Variants in RSRP1 observed in about 807,000 individuals in gnomAD.
RSRP1 encodes the protein arginine and serine rich protein 1, also known as arginine/serine-rich protein 1.
A neutral mutation model predicts 33.0 loss-of-function variants in RSRP1; 37 were observed. That is an observed-to-expected ratio of 1.12 (90% CI 0.86 to 1.48). The LOEUF (loss-of-function observed/expected upper bound fraction) is 1.48. RSRP1 is among the 40% of genes most tolerant of loss of function. The probability of loss-of-function intolerance (pLI) is 0.00; values close to 1 mark genes in which losing one functional copy is unlikely to be tolerated. For synonymous variants in RSRP1, 167 were observed against 158.7 expected (o/e 1.05, Z -0.40); for missense variants, 402 against 385.3 (o/e 1.04, Z -0.36).
intron 3 of RSRP1, chr1:25,243,876 T>A (rs1052544943): frequency 3.2e-6 from 4 of 1,234,044 alleles, no homozygotes; most frequent in Middle Eastern, 3.4e-4. Context: ...ACTAATTTTT[T>A]AATCAGTTTT....
chr1:25,274,804 C>G (rs184965566), intron 1 of RSRP1, among the ~76,000 whole-genome samples: 1 of 133,470 alleles, frequency 7.5e-6, no homozygotes, highest in Non-Finnish European at 1.8e-5. Context: ...GTTAGGAGTT[C>G]GAGACCAGCC....
At chr1:25,300,599 C>T (rs1478649725) in intron 1 of RSRP1, among the ~76,000 whole-genome samples, 1 of 130,130 alleles carries the variant, frequency 7.7e-6, no homozygotes. Context: ...CGCCTGAGGT[C>T]AGGAGTTTGA....
chr1:25,246,004 C>G (rs1639350951), intron 2 of RSRP1: 2 of 161,200 alleles, frequency 1.2e-5, no homozygotes, highest in Admixed American at 6.0e-5. Flanking sequence ...CCTCCGCCTC[C>G]GCCTCCCCAA....
At chr1:25,262,267 C>A (rs1640181553) in intron 1 of RSRP1, among the ~76,000 whole-genome samples, 1 of 152,134 alleles carries the variant, frequency 6.6e-6, no homozygotes, top group Admixed American at 6.5e-5. Flanking sequence ...AATAATCCAA[C>A]CTGCTTGTAA....
At chr1:25,298,978 C>T (rs1326526979) in intron 1 of RSRP1, among the ~76,000 whole-genome samples, 1 of 123,552 alleles carries the variant, frequency 8.1e-6, no homozygotes, top group African/African-American at 2.8e-5. Flanking sequence ...GTGCACAAGC[C>T]ATATGGGTAC....
rs1216660553 is a variant in RSRP1, at chr1:25,309,177, A to AT, written c.-67+28800dup. On this transcript the variant is annotated intron_variant, in intron 1 of 1. Coordinates refer to the RSRP1 transcript ENST00000561867. ...TTTCCTATTCAGATGAGCATATGTG[A>AT]TTGAGTCAGATGCTGTGATCAGAAC... 3.8e-5 allele frequency among the ~76,000 whole-genome samples: 5 copies of AT among 132,166 alleles called. 2 individuals are homozygous for AT. Among genetic ancestry groups the AT allele is most frequent in the Non-Finnish European group, 8.9e-5 (5 of 56,062 alleles). The allele number at this position is 132,166 out of a possible 152,430, so 86.7% of individuals were successfully genotyped here. A position where few individuals can be genotyped will look rare whatever the true frequency, so the allele number is the denominator to read the frequency against.
At chr1:25,259,579 C>T (rs1310960960) in intron 1 of RSRP1, among the ~76,000 whole-genome samples, 3 of 151,488 alleles carry the variant, frequency 2.0e-5, no homozygotes, top group Non-Finnish European at 2.9e-5. Flanking sequence ...CTCAGCTCGC[C>T]GCAACCTCCG....
rs185767739 is a variant in RSRP1, at chr1:25,320,656, A to G, written c.-67+17322T>C. Reference sequence around the variant, plus strand: ...GGAGCATTTCCTTGCTTCCTGTGAAAGGAAGCACTCATTCCATGTGTCCTG... The same window carrying G: ...GGAGCATTTCCTTGCTTCCTGTGAAGGGAAGCACTCATTCCATGTGTCCTG... On this transcript the variant is annotated intron_variant, in intron 1 of 1. Coordinates refer to the RSRP1 transcript ENST00000561867. Among the ~76,000 whole-genome samples the G allele has an allele frequency of 9.1e-5, 12 of 132,506 alleles. 1 individual carries two copies. The East Asian group carries it at 2.3e-3, about 26-fold the overall frequency. 86.9% of individuals were successfully genotyped at this position (132,506 alleles called of 152,430 possible).
In RSRP1 at chr1:25,271,138, C is replaced by T. The variant is rs1285439123; in HGVS notation, c.-66-24109G>A. 1.6e-4 allele frequency among the ~76,000 whole-genome samples: 21 copies of T among 132,360 alleles called. 7 individuals carry two copies. Among genetic ancestry groups the T allele is most frequent in the Admixed American group, 2.2e-4 (3 of 13,620 alleles). 86.8% of individuals were successfully genotyped at this position (132,360 alleles called of 152,430 possible). On this transcript the variant is annotated intron_variant, in intron 1 of 1. Coordinates refer to the RSRP1 transcript ENST00000561867. ...TCTTAACCAACCCCCTGCTAGTGGA[C>T]ATTTAGGTTAGTCTCAGTTTTTTCC...
intron 3 of RSRP1, 195 bp downstream of exon 3, chr1:25,244,955 A>C: frequency 6.9e-7 from 1 of 1,448,330 alleles, no homozygotes; most frequent in Non-Finnish European, 9.1e-7. Flanking sequence ...GGCACCATGC[A>C]CGGCCAAATA....
rs1360835847 is a variant in RSRP1 at position 25,315,556 on chromosome 1, G to A, written c.-67+22422C>T. On this transcript the variant is annotated intron_variant, in intron 1 of 1. Transcript: ENST00000561867. ...GTGTTGCCCAGGCTGGAGTGCAGTG[G>A]CGTGATCTCAGCTCACTGCAAACTC... Among the ~76,000 whole-genome samples, 3 of 121,696 alleles carry A rather than the reference G, an allele frequency of 2.5e-5. 1 individual carries two copies. The highest frequency in any genetic ancestry group is 5.8e-5 in the Non-Finnish European group (3 of 51,860). 79.8% of individuals were successfully genotyped at this position (121,696 alleles called of 152,430 possible). A position where few individuals can be genotyped will look rare whatever the true frequency, so the allele number is the denominator to read the frequency against.
upstream of RSRP1, among the ~76,000 whole-genome samples, chr1:25,251,757 T>A (rs776373451): frequency 2.0e-5 from 3 of 152,176 alleles, no homozygotes; most frequent in Non-Finnish European, 1.5e-5. Context: ...TAACGATCAT[T>A]CCCTAGAGGT....
rs1217434633 is a variant in RSRP1, at chr1:25,268,081, A to G, written c.-66-21052T>C. ...ATTGGGTCCGTGATTGGCATTCCAG[A>G]AATGGTAGCTGTTATTCAGCCAACA... On this transcript the variant is annotated intron_variant, in intron 1 of 1. Coordinates refer to the RSRP1 transcript ENST00000561867. 9.0e-5 allele frequency among the ~76,000 whole-genome samples: 12 copies of G among 133,948 alleles called. 5 individuals are homozygous for G. Among genetic ancestry groups the G allele is most frequent in the Admixed American group, 3.6e-4 (5 of 13,876 alleles). The allele number at this position is 133,948 out of a possible 152,430, so 87.9% of individuals were successfully genotyped here.
At chr1:25,248,503 TCTAA>T (rs1305622193), upstream of RSRP1, among the ~76,000 whole-genome samples, 1 of 152,128 alleles carries the variant, frequency 6.6e-6, no homozygotes, top group Non-Finnish European at 1.5e-5. Flanking sequence ...ACCCACGGGA[TCTAA>T]CTGTGTTGCC....
Position 25,269,722 on chromosome 1 carries a change from T to G in RSRP1, c.-66-22693A>C, listed in dbSNP as rs1359568876. Among the ~76,000 whole-genome samples the G allele has an allele frequency of 1.5e-5, 2 of 132,948 alleles. 1 individual carries two copies. Among genetic ancestry groups the G allele is most frequent in the African/African-American group, 5.1e-5 (2 of 38,920 alleles). The allele number at this position is 132,948 out of a possible 152,430, so 87.2% of individuals were successfully genotyped here. A position where few individuals can be genotyped will look rare whatever the true frequency, so the allele number is the denominator to read the frequency against. On this transcript the variant is annotated intron_variant, in intron 1 of 1. Transcript: ENST00000561867. ...AGAGTCAGAGGGGAAGAGCAAAACC[T>G]CTGCTTTTGACAAATCTGTTGGGAG...
chr1:25,316,773 A>G (rs1644463948), intron 1 of RSRP1, among the ~76,000 whole-genome samples: 1 of 99,190 alleles, frequency 1.0e-5, no homozygotes, highest in Non-Finnish European at 2.5e-5. Flanking sequence ...AGGTGCTGGG[A>G]ACTAAAATAA....
rs1225634691 is a variant in RSRP1, at chr1:25,315,497, C to A, written c.-67+22481G>T. 3.3e-5 allele frequency among the ~76,000 whole-genome samples: 4 copies of A among 120,864 alleles called. 1 individual carries two copies. Among genetic ancestry groups the A allele is most frequent in the African/African-American group, 1.2e-4 (4 of 33,078 alleles). 79.3% of individuals were successfully genotyped at this position (120,864 alleles called of 152,430 possible). On this transcript the variant is annotated intron_variant, in intron 1 of 1. Coordinates refer to the RSRP1 transcript ENST00000561867. ...TTTTTAATTTATTTTTCTTTTCTTT[C>A]TTTCTTTTTTTTTTTTTGAGATGGA...
At chr1:25,284,343 A>G (rs1189301865) in intron 1 of RSRP1, among the ~76,000 whole-genome samples, 1 of 135,796 alleles carries the variant, frequency 7.4e-6, no homozygotes, top group African/African-American at 2.5e-5. Flanking sequence ...TAAGTGCTTA[A>G]TTAGCTTTAG....
chr1:25,331,794 C>CAGTGTTACCCAGGCTGG (rs1238462579), intron 1 of RSRP1, among the ~76,000 whole-genome samples: 3 of 106,882 alleles, frequency 2.8e-5, no homozygotes, highest in Non-Finnish European at 6.3e-5. Flanking sequence ...GGCTGGAGTG[C>CAGTGTTACCCAGGCTGG]AGTGGCGCGA....
Sources: gnomAD v4.1 joint callset for allele counts (sites outside exome capture counted in the v4.1 genomes callset) on GRCh38, gnomAD v4.1.1 for gene constraint, MANE v1.5 for transcripts, NCBI Gene and HGNC (gene_info 2026-07-23, HGNC 2026-07-21) for gene names.